HTR1F: variants seen among roughly 807,000 people sequenced by gnomAD.
HTR1F encodes 5-hydroxytryptamine (serotonin) receptor 1F, G protein-coupled.
Under a neutral mutation model 24.0 loss-of-function variants are expected in HTR1F, and 17 were observed. The observed-to-expected ratio is 0.71, with a 90% CI of 0.48 to 1.06. The LOEUF is 1.06. Ranked by LOEUF, HTR1F falls within the 50% of genes least tolerant of loss-of-function variation. The pLI is 0.00. For synonymous variants in HTR1F, 186 were observed against 156.8 expected (o/e 1.19, Z -1.39); for missense variants, 391 against 427.8 (o/e 0.91, Z 0.76).
intron 2 of HTR1F, among the ~76,000 whole-genome samples, chr3:87,935,178 A>G (rs1704381612): frequency 6.6e-6 from 1 of 152,168 alleles, no homozygotes. Context: ...CTTAACGGTT[A>G]CTTCACAAAA....
chr3:87,843,970 T>C (rs1262035025), intron 2 of HTR1F, among the ~76,000 whole-genome samples: 1 of 151,308 alleles, frequency 6.6e-6, no homozygotes, highest in East Asian at 1.9e-4. Context: ...CTATTGTGAA[T>C]AATGCTGCAA....
chr3:87,914,853 C>T (rs1306430166), intron 2 of HTR1F, among the ~76,000 whole-genome samples: 6 of 152,104 alleles, frequency 3.9e-5, no homozygotes, highest in African/African-American at 1.4e-4. Flanking sequence ...CTGATGCTCT[C>T]TGGAAAGCAC....
chr3:87,901,066 T>C (rs1353588979), intron 2 of HTR1F, among the ~76,000 whole-genome samples: 2 of 152,196 alleles, frequency 1.3e-5, no homozygotes, highest in African/African-American at 4.8e-5. Context: ...AAGCACAGTA[T>C]CAAGTTTGAC....
rs1196901990 is a variant in HTR1F, at chr3:87,927,308, C to G, written c.-42-63400C>G. On this transcript the variant is annotated intron_variant, in intron 2 of 2. Coordinates refer to ENST00000319595, the MANE Select transcript of HTR1F (RefSeq NM_001322209.2). ...GAAAAACAATACCCTTAATGTTGAT[C>G]ACACGTTGTTTCATGTTGATTACAG... Among the ~76,000 whole-genome samples, 5 of 152,144 alleles carry G rather than the reference C, an allele frequency of 3.3e-5. No individual in the cohort carries two copies. In the East Asian group the frequency reaches 7.7e-4, roughly 23 times the overall value.
chr3:87,867,326 T>C (rs968593174), intron 2 of HTR1F, among the ~76,000 whole-genome samples: 46 of 151,910 alleles, frequency 3.0e-4, no homozygotes, highest in African/African-American at 1.1e-3. Flanking sequence ...TCATTGTACA[T>C]CGAAATGTTC....
chr3:87,929,147 A>C (rs934026711), intron 2 of HTR1F, among the ~76,000 whole-genome samples: 3 of 152,190 alleles, frequency 2.0e-5, no homozygotes, highest in Admixed American at 6.6e-5. Flanking sequence ...TCAACAGTTA[A>C]GATGTTCCCC....
At chr3:87,839,874 T>G (rs1212913472) in intron 2 of HTR1F, among the ~76,000 whole-genome samples, 1 of 152,184 alleles carries the variant, frequency 6.6e-6, no homozygotes, top group Non-Finnish European at 1.5e-5. Flanking sequence ...TTCCTATTTC[T>G]GTATTAGTTT....
rs146550339 is a variant in HTR1F at position 87,971,013 on chromosome 3, G to C, written c.-42-19695G>C. ...TGTTCCTCTTACCTTCATGATCCCT[G>C]CCTCCTCCCCTTCCACAGATGACAC... On this transcript the variant is annotated intron_variant, in intron 2 of 2. Coordinates refer to ENST00000319595, the MANE Select transcript of HTR1F (RefSeq NM_001322209.2). 2.8e-3 allele frequency among the ~76,000 whole-genome samples: 420 copies of C among 152,104 alleles called. 3 individuals carry two copies. Among genetic ancestry groups the C allele is most frequent in the African/African-American group, 9.6e-3 (397 of 41,486 alleles).
At chr3:87,803,618 A>G (rs1470250967) in intron 1 of HTR1F, among the ~76,000 whole-genome samples, 1 of 152,182 alleles carries the variant, frequency 6.6e-6, no homozygotes, top group Non-Finnish European at 1.5e-5. Flanking sequence ...CATAAGATAC[A>G]AAATATGTAC....
chr3:87,903,349 T>C (rs1419322240), intron 2 of HTR1F, among the ~76,000 whole-genome samples: 54 of 151,380 alleles, frequency 3.6e-4, no homozygotes, highest in African/African-American at 1.2e-3. Flanking sequence ...ACCTACAGAA[T>C]GGGAGAAAAT....
intron 2 of HTR1F, among the ~76,000 whole-genome samples, chr3:87,909,995 A>T (rs1249671530): frequency 2.6e-5 from 4 of 152,062 alleles, no homozygotes; most frequent in Non-Finnish European, 5.9e-5. Context: ...ACTAACTACA[A>T]TCTGTACCAT....
chr3:87,912,633 CAA>C (rs35147140), intron 2 of HTR1F, among the ~76,000 whole-genome samples: 1,551 of 84,494 alleles, frequency 0.018, 7 homozygotes, highest in Non-Finnish European at 0.025. Flanking sequence ...CAATCCTAGG[CAA>C]AAAAAAAAAA....
chr3:87,947,594 T>C (rs536654510), intron 2 of HTR1F, among the ~76,000 whole-genome samples: 1 of 152,104 alleles, frequency 6.6e-6, no homozygotes, highest in Non-Finnish European at 1.5e-5. Context: ...ATCTATAGCA[T>C]GGTATGTAAA....
chr3:87,852,905 T>G (rs1482587863), intron 2 of HTR1F, among the ~76,000 whole-genome samples: 1 of 151,582 alleles, frequency 6.6e-6, no homozygotes, highest in African/African-American at 2.4e-5. Context: ...TATTTTTACG[T>G]CCTTCAATAA....
intron 2 of HTR1F, among the ~76,000 whole-genome samples, chr3:87,987,654 A>AAAATGTATGTAT: frequency 8.2e-6 from 1 of 122,354 alleles, no homozygotes; most frequent in South Asian, 2.9e-4. Context: ...ATATATATAT[A>AAAATGTATGTAT]TATAAAAATA....
intron 2 of HTR1F, among the ~76,000 whole-genome samples, chr3:87,866,321 T>C (rs140249401): frequency 4.3e-4 from 66 of 152,280 alleles, no homozygotes; most frequent in South Asian, 3.9e-3. Context: ...GATTTAGAGC[T>C]GCTAGTCAGA....
chr3:87,923,028 C>CA (rs1217030243), intron 2 of HTR1F, among the ~76,000 whole-genome samples: 4 of 151,788 alleles, frequency 2.6e-5, no homozygotes, highest in Non-Finnish European at 5.9e-5. Context: ...AAGACTGTCC[C>CA]ATCCCCAGTG....
chr3:87,934,392 T>C (rs1704361394), intron 2 of HTR1F, among the ~76,000 whole-genome samples: 1 of 152,160 alleles, frequency 6.6e-6, no homozygotes, highest in Admixed American at 6.5e-5. Flanking sequence ...TGACTCTCCA[T>C]GGAGGACTGC....
intron 2 of HTR1F, among the ~76,000 whole-genome samples, chr3:87,941,447 C>T (rs1197061500): frequency 6.6e-6 from 1 of 152,112 alleles, no homozygotes; most frequent in Non-Finnish European, 1.5e-5. Flanking sequence ...GTTTGGAAAC[C>T]TTGTAGCCAC....
Sources: gnomAD v4.1 joint callset for allele counts (sites outside exome capture counted in the v4.1 genomes callset) on GRCh38, gnomAD v4.1.1 for gene constraint, MANE v1.5 for transcripts, NCBI Gene and HGNC (gene_info 2026-07-23, HGNC 2026-07-21) for gene names.